The following ATAD2B variants were observed in gnomAD, a reference collection of about 807,000 sequenced individuals.
The protein encoded by ATAD2B is ATPase family AAA domain containing 2B, also known as ATPase family AAA domain-containing protein 2B.
A neutral mutation model predicts 167.6 loss-of-function variants in ATAD2B; 40 were observed. The observed-to-expected ratio is 0.24, with a 90% CI of 0.19 to 0.31. The LOEUF is 0.31. Ranked by LOEUF, ATAD2B falls within the 10% of genes least tolerant of loss-of-function variation. The probability of loss-of-function intolerance (pLI) is 1.00; values close to 1 mark genes in which losing one functional copy is unlikely to be tolerated. For synonymous variants in ATAD2B, 579 were observed against 596.5 expected (o/e 0.97, Z 0.43); for missense variants, 1,242 against 1,757.2 (o/e 0.71, Z 5.24).
Position 23,878,010 on chromosome 2 carries a change from C to CAAAAAAAAAAAAAAAAAAAAAAAAAA in ATAD2B, c.902-2107_902-2106insTTTTTTTTTTTTTTTTTTTTTTTTTT, listed in dbSNP as rs1283016862. Among the ~76,000 whole-genome samples the CAAAAAAAAAAAAAAAAAAAAAAAAAA allele has an allele frequency of 7.0e-4, 20 of 28,606 alleles. 4 individuals carry two copies. Among genetic ancestry groups the CAAAAAAAAAAAAAAAAAAAAAAAAAA allele is most frequent in the South Asian group, 1.4e-3 (1 of 732 alleles). 18.8% of individuals were successfully genotyped at this position (28,606 alleles called of 152,430 possible). On this transcript the variant is annotated intron_variant, in intron 7 of 27. Coordinates refer to ENST00000238789, the MANE Select transcript of ATAD2B (RefSeq NM_017552.4). ...ACTCCAGCCTGGATGACCCTATCTC[C>CAAAAAAAAAAAAAAAAAAAAAAAAAA]AAAGAAAAAAAAAAAAAAAAAAAAA...
intron 1 of ATAD2B, among the ~76,000 whole-genome samples, chr2:23,925,624 TG>T (rs1704639812): frequency 1.3e-5 from 2 of 152,172 alleles, no homozygotes; most frequent in Non-Finnish European, 2.9e-5. Flanking sequence ...AAAACAAACG[TG>T]TCAATTCCTT....
intron 17 of ATAD2B, 141 bp from the exon 18 acceptor site, chr2:23,810,643 A>AT (rs986813300): frequency 4.9e-5 from 31 of 638,126 alleles, no homozygotes; most frequent in Middle Eastern, 8.8e-4. Context: ...ATAGTGACTT[A>AT]TTTTTTTATT....
chr2:23,688,560 G>A, the ATAD2B span, among the ~76,000 whole-genome samples: 1 of 152,140 alleles, frequency 6.6e-6, no homozygotes, highest in Non-Finnish European at 1.5e-5. Context: ...CCTCTGCTGA[G>A]CAGAGGCTGC....
intron 2 of ATAD2B, among the ~76,000 whole-genome samples, chr2:23,890,929 T>C (rs1573289115): frequency 6.6e-6 from 1 of 152,280 alleles, no homozygotes; most frequent in East Asian, 1.9e-4. Context: ...TAGTCATAGA[T>C]TATTGTCATC....
intron 7 of ATAD2B, among the ~76,000 whole-genome samples, chr2:23,879,155 A>G (rs983345781): frequency 2.6e-5 from 4 of 152,218 alleles, no homozygotes; most frequent in Admixed American, 6.5e-5. Context: ...TTAGAAATAC[A>G]AAAACATATG....
intron 6 of ATAD2B, among the ~76,000 whole-genome samples, 196 bp downstream of exon 6, chr2:23,884,569 C>A: frequency 6.6e-6 from 1 of 152,062 alleles, no homozygotes; most frequent in East Asian, 1.9e-4. Context: ...ATAATGTGCA[C>A]TTAAAAGTAT....
rs368611245 is a variant in ATAD2B at position 23,877,952 on chromosome 2, G to A, written c.902-2048C>T. On this transcript the variant is annotated intron_variant, in intron 7 of 27. Coordinates refer to ENST00000238789, the MANE Select transcript of ATAD2B (RefSeq NM_017552.4). The stretch of plus-strand genomic sequence containing the variant: ...ACATGCACCTCAGCAGGCTGAAGCA[G>A]AAGAATGCAGTGAGCCATGTTCGCA... Among the ~76,000 whole-genome samples the A allele has an allele frequency of 1.8e-4, 23 of 124,690 alleles. No individual in the cohort carries two copies. The East Asian group carries it at 4.9e-3, about 26-fold the overall frequency. The allele number at this position is 124,690 out of a possible 152,430, so 81.8% of individuals were successfully genotyped here.
chr2:23,890,252 C>CA (rs200303167), intron 2 of ATAD2B, among the ~76,000 whole-genome samples: 56 of 151,268 alleles, frequency 3.7e-4, no homozygotes, highest in Middle Eastern at 3.4e-3. Context: ...AAAAACAAAA[C>CA]AAAAAAAACC....
At chr2:23,901,100 C>A in intron 1 of ATAD2B, 1 of 155,752 alleles carries the variant, frequency 6.4e-6, no homozygotes. Context: ...CAAATCCTCC[C>A]ACCCAACTGG....
chr2:23,710,988 G>T, the ATAD2B span, among the ~76,000 whole-genome samples: 2 of 152,142 alleles, frequency 1.3e-5, no homozygotes, highest in African/African-American at 4.8e-5. Flanking sequence ...CTAAGCACTG[G>T]CTGCGTGAAG....
At chr2:23,871,155 A>G (rs1695910764) in intron 8 of ATAD2B, among the ~76,000 whole-genome samples, 1 of 149,416 alleles carries the variant, frequency 6.7e-6, no homozygotes, top group Admixed American at 6.7e-5. Flanking sequence ...CTTTTTGCCC[A>G]CCACATAATC....
chr2:23,814,784 G>T (rs990730549), intron 17 of ATAD2B, among the ~76,000 whole-genome samples: 1 of 152,106 alleles, frequency 6.6e-6, no homozygotes, highest in Non-Finnish European at 1.5e-5. Context: ...GCCTGGCGCA[G>T]TGTCTCACAC....
chr2:23,840,022 C>T (rs1690626194), intron 13 of ATAD2B, among the ~76,000 whole-genome samples: 1 of 152,064 alleles, frequency 6.6e-6, no homozygotes, highest in African/African-American at 2.4e-5. Flanking sequence ...TTGCATTTGG[C>T]ATATTGTGAG....
intron 22 of ATAD2B, among the ~76,000 whole-genome samples, chr2:23,780,072 T>A (rs145055666): frequency 8.8e-4 from 133 of 151,856 alleles, no homozygotes; most frequent in African/African-American, 3.1e-3. Flanking sequence ...TGGCGAGACC[T>A]CTTCTCTACA....
At chr2:23,822,849 G>A (rs926059722) in intron 16 of ATAD2B, among the ~76,000 whole-genome samples, 4 of 147,664 alleles carry the variant, frequency 2.7e-5, no homozygotes, top group African/African-American at 5.0e-5. Context: ...CCCGGGAGGC[G>A]GAGGTTGCAG....
chr2:23,866,949 C>T (rs1351206511), intron 10 of ATAD2B, among the ~76,000 whole-genome samples: 2 of 152,220 alleles, frequency 1.3e-5, no homozygotes, highest in East Asian at 3.9e-4. Flanking sequence ...CCATGTCCTC[C>T]GAGTCTTGTG....
intron 13 of ATAD2B, among the ~76,000 whole-genome samples, chr2:23,837,504 G>A (rs1016666121): frequency 7.9e-5 from 12 of 152,144 alleles, no homozygotes; most frequent in African/African-American, 2.7e-4. Flanking sequence ...TGCACCCAGG[G>A]AGCTCCCATC....
At chr2:23,883,871 C>T (rs1698312260) in intron 6 of ATAD2B, among the ~76,000 whole-genome samples, 1 of 152,144 alleles carries the variant, frequency 6.6e-6, no homozygotes, top group Non-Finnish European at 1.5e-5. Flanking sequence ...AGGCCGGGTG[C>T]AGTGGCTCAC....
Position 23,908,652 on chromosome 2 carries a change from A to G in ATAD2B, c.217-12682T>C, listed in dbSNP as rs1181697056. ...CCATTACTGGGTATATACCCAAAGG[A>G]CTATAAATCATGCTGCTATAAAGAC... On this transcript the variant is annotated intron_variant, in intron 1 of 27. Transcript: ENST00000238789. 2.6e-5 allele frequency among the ~76,000 whole-genome samples: 4 copies of G among 152,118 alleles called. No individual in the cohort carries two copies. In the South Asian group the frequency reaches 8.3e-4, roughly 32 times the overall value.
Sources: gnomAD v4.1 joint callset for allele counts (sites outside exome capture counted in the v4.1 genomes callset) on GRCh38, gnomAD v4.1.1 for gene constraint, MANE v1.5 for transcripts, NCBI Gene and HGNC (gene_info 2026-07-23, HGNC 2026-07-21) for gene names.